Variants in CNTN5 observed in about 807,000 individuals in gnomAD.
The protein encoded by CNTN5 is contactin 5.
A neutral mutation model predicts 129.1 loss-of-function variants in CNTN5; 77 were observed. That is an observed-to-expected ratio of 0.60 (90% confidence interval 0.50 to 0.72). The LOEUF (loss-of-function observed/expected upper bound fraction) is 0.72. CNTN5 is among the 30% of genes least tolerant of loss of function. The pLI is 0.00. For synonymous variants in CNTN5, 509 were observed against 465.6 expected, an observed-to-expected ratio of 1.09 and a Z score of -1.20; for missense variants, 1,478 against 1,328.8, an observed-to-expected ratio of 1.11 and a Z score of -1.75.
chr11:99,515,949 GA>G (rs35512504), intron 2 of CNTN5, among the ~76,000 whole-genome samples: 24,824 of 143,770 alleles, frequency 0.17, 2,525 homozygotes, highest in East Asian at 0.5. Context: ...ATAATTTTAT[GA>G]AAAAAAAAAA....
intron 3 of CNTN5, among the ~76,000 whole-genome samples, chr11:99,618,857 A>G (rs1207989194): frequency 2.6e-5 from 4 of 152,174 alleles, no homozygotes; most frequent in Non-Finnish European, 4.4e-5. Context: ...TACACCTACT[A>G]TCTGCAAAAA....
intron 15 of CNTN5, among the ~76,000 whole-genome samples, chr11:100,201,462 T>A (rs541813857): frequency 5.9e-5 from 9 of 152,098 alleles, no homozygotes; most frequent in African/African-American, 2.2e-4. Context: ...TTGTATCAAA[T>A]GTTCAAGTTA....
intron 9 of CNTN5, among the ~76,000 whole-genome samples, chr11:100,041,685 T>G (rs958961011): frequency 6.6e-6 from 1 of 152,236 alleles, no homozygotes; most frequent in African/African-American, 2.4e-5. Context: ...ACCTCAGCAT[T>G]TATTGCTTTC....
intron 21 of CNTN5, among the ~76,000 whole-genome samples, chr11:100,328,940 G>A (rs1024160105): frequency 6.6e-6 from 1 of 152,160 alleles, no homozygotes; most frequent in Non-Finnish European, 1.5e-5. Flanking sequence ...TCCCTTTGAA[G>A]GAACTGGATC....
intron 2 of CNTN5, among the ~76,000 whole-genome samples, chr11:99,384,609 G>A (rs1027355908): frequency 1.3e-5 from 2 of 152,130 alleles, no homozygotes; most frequent in Non-Finnish European, 2.9e-5. Flanking sequence ...AAAGTGTCAC[G>A]AGAAACTTCT....
At chr11:99,021,738 G>T (rs1446052206) in intron 1 of CNTN5, among the ~76,000 whole-genome samples, 1 of 152,200 alleles carries the variant, frequency 6.6e-6, no homozygotes, top group East Asian at 1.9e-4. Flanking sequence ...TTAAAATTCA[G>T]TAGGGATGCT....
At position 100,308,388 on chromosome 11, in the gene CNTN5, G is replaced by C. The variant is rs754113581; in HGVS notation, c.2650G>C (p.Ala884Pro). Reference sequence around the variant, plus strand: ...CAGTGCTGCTCCCACAGATGTCAAGGCGACAAGTGTGTCTGTGTCAGAGAT... The same window carrying C: ...CAGTGCTGCTCCCACAGATGTCAAGCCGACAAGTGTGTCTGTGTCAGAGAT... ...EPSAAPTDVKATSVSVSEILV... is the reference protein window; with the variant it reads ...EPSAAPTDVKPTSVSVSEILV... Residue 884 changes from alanine to proline, a missense_variant, in exon 21 of 25, where the codon GCG (alanine) becomes CCG (proline). Physicochemically the swap from Ala to Pro is conservative, Grantham distance 27. Coordinates refer to ENST00000524871, the MANE Select transcript of CNTN5 (RefSeq NM_014361.4). 6 of 1,610,814 alleles carry C rather than the reference G, an allele frequency of 3.7e-6. No homozygotes were observed. The highest frequency in any genetic ancestry group is 4.2e-6 in the Non-Finnish European group (5 of 1,177,888).
At chr11:100,176,495 C>G (rs1423886555) in intron 13 of CNTN5, among the ~76,000 whole-genome samples, 2 of 151,078 alleles carry the variant, frequency 1.3e-5, no homozygotes, top group East Asian at 1.9e-4. Context: ...GACAAGTGCT[C>G]TTGTCTATTA....
chr11:99,425,530 G>A (rs938755118), intron 2 of CNTN5, among the ~76,000 whole-genome samples: 30 of 152,208 alleles, frequency 2.0e-4, no homozygotes, highest in Admixed American at 2.0e-3. Flanking sequence ...TGGGGGTAGG[G>A]GGCTGGCATA....
chr11:99,229,551 C>A, intron 1 of CNTN5, among the ~76,000 whole-genome samples: 1 of 143,680 alleles, frequency 7.0e-6, no homozygotes, highest in Non-Finnish European at 1.5e-5. Context: ...AAGGACACAG[C>A]AGGAGGTCAA....
intron 6 of CNTN5, among the ~76,000 whole-genome samples, chr11:99,885,662 C>T (rs530005904): frequency 2.0e-4 from 31 of 152,090 alleles, no homozygotes; most frequent in Non-Finnish European, 2.9e-4. Flanking sequence ...CAGCCAAATA[C>T]GCATCACTGC....
chr11:99,726,443 G>A (rs1943341703), intron 3 of CNTN5, among the ~76,000 whole-genome samples: 1 of 152,112 alleles, frequency 6.6e-6, no homozygotes, highest in South Asian at 2.1e-4. Context: ...ATAGCTCACC[G>A]AAATTACTAC....
At chr11:99,762,682 T>A (rs1219134981) in intron 3 of CNTN5, among the ~76,000 whole-genome samples, 1 of 152,100 alleles carries the variant, frequency 6.6e-6, no homozygotes, top group Non-Finnish European at 1.5e-5. Flanking sequence ...TGTAGTACAG[T>A]TTGAAGGATT....
intron 13 of CNTN5, among the ~76,000 whole-genome samples, chr11:100,091,705 G>A (rs571722902): frequency 6.6e-6 from 1 of 151,968 alleles, no homozygotes; most frequent in African/African-American, 2.4e-5. Context: ...GGGATTACAG[G>A]TGTAAGCCAC....
At chr11:99,201,687 T>G (rs1467583943) in intron 1 of CNTN5, among the ~76,000 whole-genome samples, 2 of 152,074 alleles carry the variant, frequency 1.3e-5, no homozygotes, top group Non-Finnish European at 2.9e-5. Context: ...AAAAGTTTAG[T>G]CAGTCAAATA....
intron 2 of CNTN5, among the ~76,000 whole-genome samples, chr11:99,424,000 A>G (rs1007642441): frequency 2.0e-5 from 3 of 152,172 alleles, no homozygotes; most frequent in African/African-American, 7.2e-5. Flanking sequence ...CAAGAACCCC[A>G]TTAGGTGTCT....
intron 7 of CNTN5, among the ~76,000 whole-genome samples, chr11:99,955,000 G>A (rs1477081073): frequency 6.6e-6 from 1 of 151,994 alleles, no homozygotes; most frequent in Non-Finnish European, 1.5e-5. Context: ...AATATCATCT[G>A]TGTAACAGAA....
Position 99,765,244 on chromosome 11 carries a change from A to T in CNTN5, c.56-54300A>T, listed in dbSNP as rs529014232. Among the ~76,000 whole-genome samples the T allele has an allele frequency of 3.7e-3, 569 of 152,112 alleles. 4 individuals are homozygous for T. The highest frequency in any genetic ancestry group is 0.013 in the African/African-American group (545 of 41,538). The stretch of plus-strand genomic sequence containing the variant: ...GTATATTCAATTTTTTCTAAAAATA[A>T]TTGGGATTAAAGAAAAATAGTAAAT... On this transcript the variant is annotated intron_variant, in intron 3 of 24. Transcript: ENST00000524871.
intron 3 of CNTN5, among the ~76,000 whole-genome samples, chr11:99,729,347 T>C (rs1358635571): frequency 2.0e-5 from 3 of 152,142 alleles, no homozygotes; most frequent in Non-Finnish European, 2.9e-5. Context: ...AGGTTTGTTA[T>C]ATAGGTAAAC....
Sources: allele counts gnomAD v4.1 joint callset (sites outside exome capture counted in the v4.1 genomes callset), GRCh38; gene constraint gnomAD v4.1.1; transcripts MANE v1.5; gene names NCBI Gene and HGNC (gene_info 2026-07-23, HGNC 2026-07-21).